Variants in CNTN5 observed in about 807,000 individuals in gnomAD.
CNTN5 encodes the protein contactin-5.
CNTN5 carries 77 observed loss-of-function variants against 129.1 expected under a neutral mutation model. The ratio of observed to expected loss-of-function variants is 0.60; its 90% CI spans 0.50 to 0.72. CNTN5 has a LOEUF of 0.72. CNTN5 is among the 30% of genes least tolerant of loss of function. CNTN5 has a pLI of 0.00. For missense variants in CNTN5, 1,478 were observed against 1,328.8 expected (o/e 1.11, Z -1.75); for synonymous variants, 509 against 465.6 (o/e 1.09, Z -1.20).
At chr11:99,109,647 G>A (rs1398559696) in intron 1 of CNTN5, among the ~76,000 whole-genome samples, 1 of 152,014 alleles carries the variant, frequency 6.6e-6, no homozygotes, top group Admixed American at 6.6e-5. Flanking sequence ...TAGAAGCAGA[G>A]GTAATAGAAC....
intron 1 of CNTN5, among the ~76,000 whole-genome samples, chr11:99,224,392 G>C (rs2135710839): frequency 6.6e-6 from 1 of 152,206 alleles, no homozygotes; most frequent in Admixed American, 6.5e-5. Context: ...AAACTTCCAA[G>C]TAGCTACCTA....
At chr11:100,267,247 A>G (rs184316704) in intron 17 of CNTN5, among the ~76,000 whole-genome samples, 109 of 128,196 alleles carry the variant, frequency 8.5e-4, no homozygotes, top group African/African-American at 2.4e-3. Flanking sequence ...TTTTCACATG[A>G]ATCAACCACA....
chr11:100,249,465 C>T (rs750501050), intron 16 of CNTN5, among the ~76,000 whole-genome samples: 12 of 152,116 alleles, frequency 7.9e-5, no homozygotes, highest in Non-Finnish European at 1.3e-4. Context: ...TCAAAATTGA[C>T]TATTTCCAAA....
At chr11:99,312,222 C>G (rs1203697875) in intron 1 of CNTN5, among the ~76,000 whole-genome samples, 1 of 152,088 alleles carries the variant, frequency 6.6e-6, no homozygotes, top group Non-Finnish European at 1.5e-5. Flanking sequence ...TATCATTTGC[C>G]TCCTCAAATA....
chr11:99,707,359 AT>A (rs1260514988), intron 3 of CNTN5, among the ~76,000 whole-genome samples: 3 of 151,620 alleles, frequency 2.0e-5, no homozygotes, highest in African/African-American at 7.3e-5. Flanking sequence ...ACCTAAAAAA[AT>A]AATAATTAAC....
chr11:99,127,808 T>C (rs895518355), intron 1 of CNTN5, among the ~76,000 whole-genome samples: 1 of 152,190 alleles, frequency 6.6e-6, no homozygotes, highest in Non-Finnish European at 1.5e-5. Context: ...AGGTATTTTG[T>C]CCAGTGGTAT....
chr11:99,314,963 C>T (rs540613270), intron 1 of CNTN5, among the ~76,000 whole-genome samples: 7 of 139,400 alleles, frequency 5.0e-5, no homozygotes, highest in Non-Finnish European at 9.4e-5. Context: ...GGTGGGGGGA[C>T]GGGGTGTTGA....
intron 2 of CNTN5, among the ~76,000 whole-genome samples, chr11:99,379,180 C>CTT (rs11423891): frequency 0.27 from 39,066 of 144,114 alleles, 5,509 homozygotes; most frequent in Middle Eastern, 0.33. Flanking sequence ...AATTTTGTTT[C>CTT]TTTTTTTTTT....
At position 99,498,793 on chromosome 11, in the gene CNTN5, G is replaced by A. The variant is rs116158372; in HGVS notation, c.-70-57352G>A. Among the ~76,000 whole-genome samples the A allele has an allele frequency of 8.2e-3, 1,244 of 152,314 alleles. 17 individuals are homozygous for A. The highest frequency in any genetic ancestry group is 0.029 in the African/African-American group (1,204 of 41,566). On this transcript the variant is annotated intron_variant, in intron 2 of 24. Transcript: ENST00000524871. ...AATCTTCCTTCTTCCCTTGAAGGAGGTAAAAGAAATAATTTTTCTTCTTGT... is the reference window on the plus strand; with the variant it reads ...AATCTTCCTTCTTCCCTTGAAGGAGATAAAAGAAATAATTTTTCTTCTTGT...
Position 100,272,761 on chromosome 11 carries a change from G to C in CNTN5, c.2314+1520G>C, listed in dbSNP as rs141123822. 7.6e-3 allele frequency among the ~76,000 whole-genome samples: 1,161 copies of C among 152,212 alleles called. 10 individuals carry two copies. The highest frequency in any genetic ancestry group is 8.5e-3 in the Non-Finnish European group (579 of 68,010). On this transcript the variant is annotated intron_variant, in intron 18 of 24. Coordinates refer to ENST00000524871, the MANE Select transcript of CNTN5 (RefSeq NM_014361.4). ...TTATTTCTGGCCCCCAACAGCTCTG[G>C]GGGAATTGGTGAGTTGAACTGGCAA...
intron 1 of CNTN5, among the ~76,000 whole-genome samples, chr11:99,233,920 T>C (rs1861135791): frequency 6.6e-6 from 1 of 151,982 alleles, no homozygotes; most frequent in African/African-American, 2.4e-5. Context: ...CACTCCAGAT[T>C]GAGCAGCAGA....
intron 1 of CNTN5, among the ~76,000 whole-genome samples, chr11:99,232,391 G>A (rs186796073): frequency 2.0e-5 from 3 of 152,132 alleles, no homozygotes; most frequent in African/African-American, 7.2e-5. Context: ...GTATTAGTAG[G>A]TATTTTATTC....
At chr11:99,510,586 T>A (rs954990347) in intron 2 of CNTN5, among the ~76,000 whole-genome samples, 1 of 152,170 alleles carries the variant, frequency 6.6e-6, no homozygotes, top group East Asian at 1.9e-4. Flanking sequence ...CCCATAACAA[T>A]GTTTTGGTCA....
At chr11:99,695,680 C>T (rs572879310) in intron 3 of CNTN5, among the ~76,000 whole-genome samples, 20 of 151,934 alleles carry the variant, frequency 1.3e-4, no homozygotes, top group Non-Finnish European at 2.6e-4. Flanking sequence ...TGAGACCAAC[C>T]TGGGCAACGT....
intron 23 of CNTN5, among the ~76,000 whole-genome samples, chr11:100,345,191 G>A (rs959014657): frequency 1.3e-5 from 2 of 152,138 alleles, no homozygotes; most frequent in African/African-American, 4.8e-5. Context: ...CAAGGCTCCA[G>A]CAAATTCTGT....
chr11:99,999,611 G>A (rs2137460359), intron 8 of CNTN5, among the ~76,000 whole-genome samples: 1 of 152,252 alleles, frequency 6.6e-6, no homozygotes, highest in Admixed American at 6.5e-5. Flanking sequence ...ATTCCTCAGG[G>A]ATCCAGAACT....
rs962127705 is a variant in CNTN5, at chr11:99,655,596, A to T, written c.55+99327A>T. Among the ~76,000 whole-genome samples the T allele has an allele frequency of 2.6e-5, 4 of 152,216 alleles. No individual in the cohort carries two copies. The South Asian group carries it at 8.3e-4, about 32-fold the overall frequency. On this transcript the variant is annotated intron_variant, in intron 3 of 24. Transcript: ENST00000524871. Reference sequence around the variant, plus strand: ...GCAGTGTCAGTAAATTACTCCCTTGAACTGATCTTGGGGACTGTGGGATTA... The same window carrying T: ...GCAGTGTCAGTAAATTACTCCCTTGTACTGATCTTGGGGACTGTGGGATTA...
chr11:100,020,088 C>G (rs1241607839), intron 9 of CNTN5, among the ~76,000 whole-genome samples: 4 of 151,786 alleles, frequency 2.6e-5, no homozygotes, highest in Non-Finnish European at 4.4e-5. Context: ...CATAGGTTGT[C>G]CTTTTCACTC....
At chr11:99,067,424 TAAAAAAAA>T (rs11330416) in intron 1 of CNTN5, among the ~76,000 whole-genome samples, 2 of 135,608 alleles carry the variant, frequency 1.5e-5, no homozygotes, top group Non-Finnish European at 3.2e-5. Flanking sequence ...CAATGTTGAC[TAAAAAAAA>T]AAAAAAAAGG....
Sources: gnomAD v4.1 joint callset for allele counts (sites outside exome capture counted in the v4.1 genomes callset) on GRCh38, gnomAD v4.1.1 for gene constraint, MANE v1.5 for transcripts, NCBI Gene and HGNC (gene_info 2026-07-23, HGNC 2026-07-21) for gene names.